The following EBF2 variants were observed in gnomAD, a reference collection of about 807,000 sequenced individuals.
The protein encoded by EBF2 is EBF transcription factor 2.
EBF2 carries 21 observed loss-of-function variants against 72.8 expected under a neutral mutation model. The ratio of observed to expected loss-of-function variants is 0.29; its 90% CI spans 0.20 to 0.42. The LOEUF is 0.42. Ranked by LOEUF, EBF2 falls within the 10% of genes least tolerant of loss-of-function variation. The pLI, the probability that EBF2 is intolerant of heterozygous loss-of-function variation, is 1.00. For missense variants in EBF2, 637 were observed against 731.2 expected (o/e 0.87, Z 1.49); for synonymous variants, 299 against 274.2 (o/e 1.09, Z -0.89).
chr8:25,965,124 T>G (rs927130944), intron 6 of EBF2, among the ~76,000 whole-genome samples: 2 of 152,150 alleles, frequency 1.3e-5, no homozygotes, highest in Non-Finnish European at 2.9e-5. Flanking sequence ...ATAGCAGATA[T>G]TAAATTGTTT....
intron 6 of EBF2, among the ~76,000 whole-genome samples, chr8:26,004,117 G>A (rs77558619): frequency 4.4e-4 from 65 of 147,010 alleles, no homozygotes; most frequent in Non-Finnish European, 4.7e-4. Flanking sequence ...GTTAAAAAAA[G>A]AAAAAAAAAA....
chr8:25,905,002 A>G (rs949513170), intron 7 of EBF2, among the ~76,000 whole-genome samples: 2 of 152,202 alleles, frequency 1.3e-5, no homozygotes, highest in African/African-American at 4.8e-5. Flanking sequence ...CAACAATAAA[A>G]TGACAAATAA....
intron 6 of EBF2, among the ~76,000 whole-genome samples, chr8:25,931,144 A>G (rs1803473672): frequency 6.6e-6 from 1 of 152,200 alleles, no homozygotes; most frequent in African/African-American, 2.4e-5. Context: ...GCAGCCAGTG[A>G]ACACTGGACT....
intron 10 of EBF2, among the ~76,000 whole-genome samples, chr8:25,869,379 C>T (rs1267268205): frequency 6.6e-6 from 1 of 152,118 alleles, no homozygotes; most frequent in African/African-American, 2.4e-5. Context: ...CTTCCTTGCC[C>T]TGCTGCTCTT....
chr8:26,039,849 C>T (rs765226066), intron 5 of EBF2, among the ~76,000 whole-genome samples, 179 bp downstream of exon 5: 1 of 152,194 alleles, frequency 6.6e-6, no homozygotes, highest in African/African-American at 2.4e-5. Flanking sequence ...AATGGTTATG[C>T]TTTAAGACAC....
chr8:25,928,781 T>TAAAAAAAA (rs1390940647), intron 6 of EBF2, among the ~76,000 whole-genome samples: 1 of 10,062 alleles, frequency 9.9e-5, no homozygotes, highest in African/African-American at 3.2e-4. Context: ...GATTTTTAAA[T>TAAAAAAAA]GAAAAAAAAA....
At chr8:25,962,174 G>A (rs979136409) in intron 6 of EBF2, among the ~76,000 whole-genome samples, 2 of 152,092 alleles carry the variant, frequency 1.3e-5, no homozygotes, top group Non-Finnish European at 2.9e-5. Flanking sequence ...TGTGCATGAA[G>A]AGTAAAACAA....
intron 6 of EBF2, among the ~76,000 whole-genome samples, chr8:26,009,936 C>T (rs1194692799): frequency 2.0e-5 from 3 of 152,090 alleles, no homozygotes; most frequent in African/African-American, 4.8e-5. Context: ...CACTGGACGC[C>T]CTCCACTTCA....
At chr8:25,995,888 A>G (rs1437749159) in intron 6 of EBF2, among the ~76,000 whole-genome samples, 1 of 152,048 alleles carries the variant, frequency 6.6e-6, no homozygotes, top group African/African-American at 2.4e-5. Flanking sequence ...ACATCAAAAT[A>G]TATAAATTTT....
rs776003314 is a variant in EBF2 at position 25,850,583 on chromosome 8, C to G, written c.1696+11G>C. On this transcript the variant is annotated intron_variant, in intron 15 of 15. Coordinates refer to ENST00000520164, the MANE Select transcript of EBF2 (RefSeq NM_022659.4). ...TACATTGTGTATCCCCAAAATAGAA[C>G]CCTTGCTTACCTCTGAATCCATTTC... 1 of 1,537,096 alleles carries G rather than the reference C, an allele frequency of 6.5e-7. No homozygotes were observed. Among genetic ancestry groups the G allele is most frequent in the Admixed American group, 2.3e-5 (1 of 42,736 alleles).
At chr8:26,042,304 C>T (rs1301495182) in intron 1 of EBF2, 53 bp from the exon 2 acceptor site, 17 of 1,565,098 alleles carry the variant, frequency 1.1e-5, no homozygotes, top group South Asian at 8.2e-5. Flanking sequence ...CACAAAAAGG[C>T]GATGTTACTA....
At chr8:25,853,567 G>T in intron 14 of EBF2, among the ~76,000 whole-genome samples, 1 of 152,162 alleles carries the variant, frequency 6.6e-6, no homozygotes, top group Middle Eastern at 3.4e-3. Context: ...AACCTCTCTG[G>T]AGGGTCTTTG....
At chr8:25,956,743 G>A (rs551689100) in intron 6 of EBF2, among the ~76,000 whole-genome samples, 16 of 152,316 alleles carry the variant, frequency 1.1e-4, no homozygotes, top group South Asian at 6.2e-4. Context: ...AGGTGGGGCC[G>A]TTGTGATGGC....
chr8:26,017,352 T>A (rs1805128161), intron 6 of EBF2, among the ~76,000 whole-genome samples: 1 of 152,116 alleles, frequency 6.6e-6, no homozygotes, highest in Non-Finnish European at 1.5e-5. Flanking sequence ...CTGAAAATGA[T>A]ACCATTGATT....
intron 10 of EBF2, among the ~76,000 whole-genome samples, chr8:25,883,921 C>T (rs914667130): frequency 6.6e-6 from 1 of 152,134 alleles, no homozygotes; most frequent in African/African-American, 2.4e-5. Flanking sequence ...CCTGACCACT[C>T]CTTCTCAGGA....
rs1370940275 is a variant in EBF2, at chr8:25,983,000, A to T, written c.551+50085T>A. 2.6e-5 allele frequency among the ~76,000 whole-genome samples: 4 copies of T among 152,196 alleles called. No individual in the cohort carries two copies. In the South Asian group the frequency reaches 6.2e-4, roughly 24 times the overall value. ...CAATAATCTCAATTCTCTGGTAAAA[A>T]ATAAGATTCAAAGCGGTCCAATGAC... is the stretch of plus-strand genomic sequence containing the variant. On this transcript the variant is annotated intron_variant, in intron 6 of 15. Transcript: ENST00000520164.
chr8:25,874,919 C>G lies in EBF2; in HGVS notation c.1009+11836G>C, dbSNP rs1479755535. Among the ~76,000 whole-genome samples the G allele has an allele frequency of 2.7e-5, 4 of 145,856 alleles. No homozygotes were observed. The Admixed American group carries it at 2.8e-4, about 10-fold the overall frequency. ...TGGGTTGGTCTCAAACTCCTGGCCT[C>G]AAGTGATCCTCTGGCCTCAGCCTCC... On this transcript the variant is annotated intron_variant, in intron 10 of 15. Transcript: ENST00000520164.
At chr8:26,005,958 T>C (rs1424722560) in intron 6 of EBF2, among the ~76,000 whole-genome samples, 1 of 152,080 alleles carries the variant, frequency 6.6e-6, no homozygotes, top group East Asian at 1.9e-4. Context: ...AGGGCCTCCA[T>C]GCAGCATGTC....
chr8:26,001,246 T>C (rs906423555), intron 6 of EBF2, among the ~76,000 whole-genome samples: 1 of 151,950 alleles, frequency 6.6e-6, no homozygotes, highest in Non-Finnish European at 1.5e-5. Context: ...CTGTGTCTTA[T>C]AAGACCAGCT....
Sources: allele counts gnomAD v4.1 joint callset (sites outside exome capture counted in the v4.1 genomes callset), GRCh38; gene constraint gnomAD v4.1.1; transcripts MANE v1.5; gene names NCBI Gene and HGNC (gene_info 2026-07-23, HGNC 2026-07-21).